TBC1D32: variants seen among roughly 807,000 people sequenced by gnomAD.
TBC1D32 encodes protein broad-minded.
Under a neutral mutation model 170.3 loss-of-function variants are expected in TBC1D32, and 151 were observed. The ratio of observed to expected loss-of-function variants is 0.89; its 90% CI spans 0.78 to 1.01. TBC1D32 has a LOEUF of 1.01. TBC1D32 is among the 50% of genes least tolerant of loss of function. The probability of loss-of-function intolerance (pLI) is 0.00; values close to 1 mark genes in which losing one functional copy is unlikely to be tolerated. For synonymous variants in TBC1D32, 498 were observed against 488.0 expected (o/e 1.02, Z -0.27); for missense variants, 1,464 against 1,457.1 (o/e 1.00, Z -0.08).
chr6:121,229,622 T>C (rs1218321181), intron 20 of TBC1D32, among the ~76,000 whole-genome samples: 3 of 152,196 alleles, frequency 2.0e-5, no homozygotes, highest in Non-Finnish European at 4.4e-5. Flanking sequence ...TCTGTTTTAA[T>C]GATGTTAAGG....
At chr6:121,313,240 G>C (rs971011104) in intron 3 of TBC1D32, among the ~76,000 whole-genome samples, 1 of 150,650 alleles carries the variant, frequency 6.6e-6, no homozygotes, top group African/African-American at 2.4e-5. Context: ...CAAAGTGCTG[G>C]GATTACAGGG....
At chr6:121,092,311 T>G (rs868450936) in intron 30 of TBC1D32, among the ~76,000 whole-genome samples, 2,251 of 144,704 alleles carry the variant, frequency 0.016, 19 homozygotes, top group Middle Eastern at 0.031. Flanking sequence ...TTTTTTTTTT[T>G]TTTTTTTTTT....
chr6:121,304,136 CA>C (rs1318476924), intron 8 of TBC1D32, among the ~76,000 whole-genome samples: 5 of 149,596 alleles, frequency 3.3e-5, no homozygotes, highest in Admixed American at 6.7e-5. Context: ...ACTAATGCTA[CA>C]TTTTTTTTAC....
intron 30 of TBC1D32, among the ~76,000 whole-genome samples, chr6:121,098,497 C>A (rs1477125820): frequency 6.6e-6 from 1 of 151,686 alleles, no homozygotes; most frequent in Non-Finnish European, 1.5e-5. Context: ...ATGTGTCACA[C>A]AATAAAGGTT....
intron 24 of TBC1D32, among the ~76,000 whole-genome samples, chr6:121,143,680 T>C (rs936812138): frequency 2.0e-5 from 3 of 152,242 alleles, no homozygotes; most frequent in African/African-American, 4.8e-5. Flanking sequence ...TAGATGACTC[T>C]TGCTGTTAAA....
At chr6:121,301,948 T>A (rs1184601424) in intron 9 of TBC1D32, among the ~76,000 whole-genome samples, 1 of 152,080 alleles carries the variant, frequency 6.6e-6, no homozygotes, top group African/African-American at 2.4e-5. Context: ...AATTTTTAAT[T>A]AAACATTCAT....
intron 31 of TBC1D32, among the ~76,000 whole-genome samples, chr6:121,090,306 C>T (rs191950240): frequency 6.6e-6 from 1 of 152,288 alleles, no homozygotes; most frequent in Non-Finnish European, 1.5e-5. Flanking sequence ...GTATTTATAT[C>T]TCATGTACTT....
At chr6:121,130,531 G>A (rs1042254847) in intron 25 of TBC1D32, among the ~76,000 whole-genome samples, 1 of 152,036 alleles carries the variant, frequency 6.6e-6, no homozygotes, top group Non-Finnish European at 1.5e-5. Context: ...TGTGGAAAGT[G>A]CCCTAAGATA....
At chr6:121,279,077 A>G (rs1802635677) in intron 15 of TBC1D32, 44 bp downstream of exon 15, 1 of 1,561,800 alleles carries the variant, frequency 6.4e-7, no homozygotes, top group African/African-American at 1.4e-5. Flanking sequence ...TCAGAAAACC[A>G]AACTATACCT....
At chr6:121,102,929 G>A (rs1778282200) in intron 30 of TBC1D32, among the ~76,000 whole-genome samples, 2 of 152,092 alleles carry the variant, frequency 1.3e-5, no homozygotes, top group Admixed American at 1.3e-4. Context: ...AGAAGGATAT[G>A]AACAGACACT....
rs1200436181 is a variant in TBC1D32 at position 121,303,771 on chromosome 6, TG to T, written c.936-11del. The T allele has an allele frequency of 1.1e-5, 16 of 1,505,198 alleles. No homozygotes were observed. The highest frequency in any genetic ancestry group is 1.4e-5 in the Non-Finnish European group (16 of 1,113,304). 93.2% of individuals were successfully genotyped at this position (1,505,198 alleles called of 1,614,324 possible). A position where few individuals can be genotyped will look rare whatever the true frequency, so the allele number is the denominator to read the frequency against. ...AATTTCTTCCATATACCTTAAAGTT[TG>T]GGAAAAAAGAAATACAATTACACAT... On this transcript the variant is annotated splice_polypyrimidine_tract_variant and intron_variant, in intron 8 of 31. Coordinates refer to ENST00000398212, the MANE Select transcript of TBC1D32 (RefSeq NM_152730.6).
chr6:121,297,084 A>G (rs1160520430), intron 10 of TBC1D32, among the ~76,000 whole-genome samples: 1 of 152,130 alleles, frequency 6.6e-6, no homozygotes, highest in African/African-American at 2.4e-5. Flanking sequence ...GAGAAAAGGT[A>G]GCAATCACAG....
intron 24 of TBC1D32, among the ~76,000 whole-genome samples, chr6:121,154,669 T>C (rs924553926): frequency 2.0e-5 from 3 of 152,314 alleles, no homozygotes; most frequent in East Asian, 1.9e-4. Flanking sequence ...CCAAAAGCCA[T>C]TGTAACAAAA....
chr6:121,222,273 G>A (rs751942242), intron 21 of TBC1D32, among the ~76,000 whole-genome samples: 1 of 152,262 alleles, frequency 6.6e-6, no homozygotes, highest in Non-Finnish European at 1.5e-5. Context: ...CAAAAAATTT[G>A]TGTGACTTCC....
intron 22 of TBC1D32, chr6:121,170,592 T>A: frequency 8.0e-7 from 1 of 1,255,190 alleles, no homozygotes. Flanking sequence ...AATTACATCC[T>A]TGATGTCTCA....
intron 22 of TBC1D32, among the ~76,000 whole-genome samples, chr6:121,200,868 C>T (rs1350270696): frequency 6.6e-6 from 1 of 151,208 alleles, no homozygotes; most frequent in Non-Finnish European, 1.5e-5. Flanking sequence ...GCTGTTTTGT[C>T]CTTGAGGGAG....
chr6:121,329,813 T>C (rs577146470), intron 1 of TBC1D32, among the ~76,000 whole-genome samples: 14 of 152,198 alleles, frequency 9.2e-5, no homozygotes, highest in African/African-American at 3.4e-4. Flanking sequence ...TTTAGAATCA[T>C]TGAATTTATT....
At chr6:121,102,401 A>G (rs1156589081) in intron 30 of TBC1D32, among the ~76,000 whole-genome samples, 1 of 152,148 alleles carries the variant, frequency 6.6e-6, no homozygotes, top group African/African-American at 2.4e-5. Context: ...ACACAGACCA[A>G]TGGAACAGAA....
intron 17 of TBC1D32, among the ~76,000 whole-genome samples, chr6:121,247,736 T>C (rs1197466807): frequency 8.9e-6 from 1 of 111,974 alleles, no homozygotes; most frequent in East Asian, 2.7e-4. Flanking sequence ...AAGGACATTA[T>C]ACAATAATGG....
Sources: gnomAD v4.1 joint callset for allele counts (sites outside exome capture counted in the v4.1 genomes callset) on GRCh38, gnomAD v4.1.1 for gene constraint, MANE v1.5 for transcripts, NCBI Gene and HGNC (gene_info 2026-07-23, HGNC 2026-07-21) for gene names.